SAMD12: variants seen among roughly 807,000 people sequenced by gnomAD.
The protein encoded by SAMD12 is sterile alpha motif domain containing 12.
SAMD12 carries 9 observed loss-of-function variants against 15.0 expected under a neutral mutation model. The ratio of observed to expected loss-of-function variants is 0.60; its 90% CI spans 0.36 to 1.05. The LOEUF (loss-of-function observed/expected upper bound fraction) is 1.05, where lower values mean the gene tolerates loss of function less well. Ranked by LOEUF, SAMD12 falls within the 50% of genes least tolerant of loss-of-function variation. SAMD12 has a pLI of 0.01. For missense variants in SAMD12, 230 were observed against 234.2 expected, an observed-to-expected ratio of 0.98 and a Z score of 0.12; for synonymous variants, 86 against 90.1, an observed-to-expected ratio of 0.96 and a Z score of 0.25.
chr8:118,183,985 A>G, the SAMD12 span, among the ~76,000 whole-genome samples: 1 of 152,198 alleles, frequency 6.6e-6, no homozygotes, highest in Admixed American at 6.5e-5. Flanking sequence ...AAATGATAAT[A>G]TCCAACAGAA....
At chr8:118,187,928 G>A (rs1353995633), downstream of SAMD12, among the ~76,000 whole-genome samples, 1 of 152,078 alleles carries the variant, frequency 6.6e-6, no homozygotes, top group African/African-American at 2.4e-5. Flanking sequence ...CAACTATGAT[G>A]TTGAGCAACT....
chr8:118,371,685 G>T (rs929249260), intron 4 of SAMD12, among the ~76,000 whole-genome samples: 2 of 152,150 alleles, frequency 1.3e-5, no homozygotes, highest in Non-Finnish European at 2.9e-5. Context: ...GAAATATTCA[G>T]GGGTACACAT....
chr8:118,525,890 G>A (rs1411125472), intron 2 of SAMD12, among the ~76,000 whole-genome samples: 1 of 152,200 alleles, frequency 6.6e-6, no homozygotes, highest in Non-Finnish European at 1.5e-5. Flanking sequence ...CATAGATGGA[G>A]GACAGAGCTG....
intron 4 of SAMD12, among the ~76,000 whole-genome samples, chr8:118,276,917 C>A (rs1306971761): frequency 6.6e-6 from 1 of 152,158 alleles, no homozygotes. Flanking sequence ...AGGTGATCCA[C>A]CCACCTCGGC....
the SAMD12 span, among the ~76,000 whole-genome samples, chr8:118,179,633 T>A: frequency 6.6e-6 from 1 of 152,156 alleles, no homozygotes; most frequent in South Asian, 2.1e-4. Context: ...TTTTCTCCCT[T>A]ACCTTTTAAA....
intron 2 of SAMD12, among the ~76,000 whole-genome samples, chr8:118,500,981 A>G (rs1824766281): frequency 6.6e-6 from 1 of 152,214 alleles, no homozygotes; most frequent in Non-Finnish European, 1.5e-5. Flanking sequence ...GTTGTCCAGC[A>G]ATGCCTGGCA....
chr8:118,386,260 C>A (rs944878782), intron 3 of SAMD12, among the ~76,000 whole-genome samples: 1 of 152,138 alleles, frequency 6.6e-6, no homozygotes, highest in Non-Finnish European at 1.5e-5. Flanking sequence ...CTGTAGGACA[C>A]GAAACATTCT....
intron 2 of SAMD12, among the ~76,000 whole-genome samples, chr8:118,488,593 C>T (rs78157605): frequency 0.11 from 16,682 of 152,158 alleles, 1,014 homozygotes; most frequent in East Asian, 0.28. Context: ...TTAGTTTTTG[C>T]CTTCTGTTGA....
At chr8:118,604,779 G>A (rs1275093292) in intron 1 of SAMD12, among the ~76,000 whole-genome samples, 3 of 152,020 alleles carry the variant, frequency 2.0e-5, no homozygotes, top group South Asian at 2.1e-4. Flanking sequence ...AAAATTAGGG[G>A]GGCGTGGTGG....
At chr8:118,273,320 C>T (rs1273135732) in intron 4 of SAMD12, among the ~76,000 whole-genome samples, 1 of 152,098 alleles carries the variant, frequency 6.6e-6, no homozygotes, top group Non-Finnish European at 1.5e-5. Flanking sequence ...GGTAACCACG[C>T]CCATGATTAA....
rs10717740 is a variant in SAMD12, at chr8:118,449,062, C to CT, written c.193-9102dup. ...GGGCAGCAGCATGGACACAGGCAGT[C>CT]TTTTTTTTTTTTTTTTTTGAGATGG... On this transcript the variant is annotated intron_variant, in intron 2 of 3. Transcript: ENST00000314727. Among the ~76,000 whole-genome samples, 475 of 126,778 alleles carry CT rather than the reference C, an allele frequency of 3.7e-3. 2 individuals carry two copies. Among genetic ancestry groups the CT allele is most frequent in the African/African-American group, 0.011 (363 of 33,918 alleles). 83.2% of individuals were successfully genotyped at this position (126,778 alleles called of 152,430 possible).
chr8:118,482,615 T>C (rs954940098), intron 2 of SAMD12, among the ~76,000 whole-genome samples: 10 of 152,212 alleles, frequency 6.6e-5, no homozygotes, highest in African/African-American at 2.4e-4. Context: ...ATACAAGAGA[T>C]GTGCATAGGT....
chr8:118,318,368 T>C (rs1244607208), intron 4 of SAMD12, among the ~76,000 whole-genome samples: 1 of 130,660 alleles, frequency 7.7e-6, no homozygotes, highest in Non-Finnish European at 1.7e-5. Context: ...ATATATACCA[T>C]GGAACACTAC....
intron 2 of SAMD12, among the ~76,000 whole-genome samples, chr8:118,563,135 A>G (rs937038047): frequency 6.6e-6 from 1 of 152,218 alleles, no homozygotes; most frequent in African/African-American, 2.4e-5. Flanking sequence ...TATAACTGAG[A>G]GAGTCAGTCA....
intron 2 of SAMD12, among the ~76,000 whole-genome samples, chr8:118,567,755 A>G (rs983228443): frequency 1.3e-5 from 2 of 152,236 alleles, no homozygotes; most frequent in African/African-American, 2.4e-5. Flanking sequence ...TAACATTATC[A>G]GCAACAAATA....
the SAMD12 span, among the ~76,000 whole-genome samples, chr8:118,167,702 C>T: frequency 0.041 from 6,187 of 152,128 alleles, 140 homozygotes; most frequent in Middle Eastern, 0.095. Flanking sequence ...CAAGATGAAG[C>T]CTCTTCCTTC....
chr8:118,251,826 C>T (rs1199583712), intron 4 of SAMD12, among the ~76,000 whole-genome samples: 1 of 151,932 alleles, frequency 6.6e-6, no homozygotes, highest in African/African-American at 2.4e-5. Context: ...TAGCCAAGAG[C>T]GGGCATCATC....
intron 3 of SAMD12, among the ~76,000 whole-genome samples, chr8:118,412,897 G>A (rs1444573129): frequency 6.6e-6 from 1 of 152,128 alleles, no homozygotes; most frequent in African/African-American, 2.4e-5. Flanking sequence ...GGTGGTACTG[G>A]GGCCCTAGCT....
At chr8:118,503,799 A>C (rs1157237170) in intron 2 of SAMD12, among the ~76,000 whole-genome samples, 1 of 152,172 alleles carries the variant, frequency 6.6e-6, no homozygotes, top group African/African-American at 2.4e-5. Flanking sequence ...AGTTAAAATA[A>C]ACACTCAAAG....
Sources: allele counts gnomAD v4.1 joint callset (sites outside exome capture counted in the v4.1 genomes callset), GRCh38; gene constraint gnomAD v4.1.1; transcripts MANE v1.5; gene names NCBI Gene and HGNC (gene_info 2026-07-23, HGNC 2026-07-21).